FIGNL2: variants seen among roughly 807,000 people sequenced by gnomAD.
The protein encoded by FIGNL2 is fidgetin like 2.
For synonymous variants in FIGNL2, 565 were observed against 484.0 expected, an observed-to-expected ratio of 1.17 and a Z score of -2.20; for missense variants, 1,060 against 950.2, an observed-to-expected ratio of 1.12 and a Z score of -1.52.
At chr12:51,843,221 T>G (rs1204041365) in intron 1 of FIGNL2, among the ~76,000 whole-genome samples, 3 of 152,158 alleles carry the variant, frequency 2.0e-5, no homozygotes, top group Non-Finnish European at 4.4e-5. Context: ...CTGGACACAG[T>G]GCGTAGGTGC....
chr12:51,836,537 G>A (rs1295625666), intron 1 of FIGNL2, among the ~76,000 whole-genome samples: 2 of 152,068 alleles, frequency 1.3e-5, no homozygotes, highest in South Asian at 2.1e-4. Flanking sequence ...TCAGGCCTGG[G>A]CTAAAGTGAG....
At position 51,838,571 on chromosome 12, in the gene FIGNL2, A is replaced by C. The variant is rs541852177; in HGVS notation, c.-12+9969T>G. ...GCACTGGCCTCAGAGTCAGCCTCTG[A>C]GATGTGGGACAATGTCTTGATCTGT... On this transcript the variant is annotated intron_variant, in intron 1 of 1. Transcript: ENST00000618634. Among the ~76,000 whole-genome samples, 172 of 152,166 alleles carry C rather than the reference A, an allele frequency of 1.1e-3. 1 individual carries two copies. Among genetic ancestry groups the C allele is most frequent in the African/African-American group, 4.0e-3 (166 of 41,518 alleles).
At chr12:51,846,090 T>C (rs936507475) in intron 1 of FIGNL2, among the ~76,000 whole-genome samples, 1 of 152,180 alleles carries the variant, frequency 6.6e-6, no homozygotes, top group East Asian at 1.9e-4. Flanking sequence ...TAAAGGCCCT[T>C]ACAAAACCCC....
chr12:51,825,461 C>G lies in FIGNL2; in HGVS notation c.-11-3037G>C, dbSNP rs559859022. Among the ~76,000 whole-genome samples the G allele has an allele frequency of 3.9e-5, 6 of 152,232 alleles. No individual in the cohort carries two copies. The East Asian group carries it at 1.2e-3, about 29-fold the overall frequency. On this transcript the variant is annotated intron_variant, in intron 1 of 1. Transcript: ENST00000618634. The stretch of plus-strand genomic sequence containing the variant: ...GCCAACGAAGATCCTCTGGCCCTGG[C>G]TGTCACTGAGAACTGCTCCACCTTG...
intron 1 of FIGNL2, among the ~76,000 whole-genome samples, chr12:51,828,778 T>C (rs1447265600): frequency 6.6e-6 from 1 of 152,240 alleles, no homozygotes; most frequent in African/African-American, 2.4e-5. Context: ...TCTGTGATCA[T>C]GGCCAAGACA....
chr12:51,823,749 CAT>C (rs1939274628), intron 1 of FIGNL2, among the ~76,000 whole-genome samples: 1 of 152,226 alleles, frequency 6.6e-6, no homozygotes, highest in African/African-American at 2.4e-5. Context: ...CACGTATTCT[CAT>C]AGGTTCAGTA....
chr12:51,832,208 G>C (rs1939485571), intron 1 of FIGNL2, among the ~76,000 whole-genome samples: 1 of 151,908 alleles, frequency 6.6e-6, no homozygotes, highest in Admixed American at 6.6e-5. Flanking sequence ...GTAGAGACAG[G>C]GTTTCTCTAT....
intron 1 of FIGNL2, among the ~76,000 whole-genome samples, chr12:51,828,682 C>T (rs1939393187): frequency 6.6e-6 from 1 of 152,202 alleles, no homozygotes; most frequent in Admixed American, 6.5e-5. Flanking sequence ...ACCACAGGCT[C>T]TCCATGCACA....
At chr12:51,828,371 C>T (rs1021477579) in intron 1 of FIGNL2, 3 of 152,170 alleles carry the variant, frequency 2.0e-5, no homozygotes, top group Non-Finnish European at 2.9e-5. Flanking sequence ...TGCGGCAGCT[C>T]TTTCTCTGCA....
At chr12:51,834,014 T>TGGAC (rs1350701627) in intron 1 of FIGNL2, among the ~76,000 whole-genome samples, 6 of 131,710 alleles carry the variant, frequency 4.6e-5, no homozygotes, top group African/African-American at 1.8e-4. Context: ...GACAGACAAA[T>TGGAC]GGACGGATGG....
rs1939736812 is a variant in FIGNL2, at chr12:51,845,628, G to A, written c.-12+2912C>T. The A allele has an allele frequency of 7.1e-6, 7 of 985,228 alleles. No homozygotes were observed. In the South Asian group the frequency reaches 1.4e-4, roughly 20 times the overall value. 61.0% of individuals were successfully genotyped at this position (985,228 alleles called of 1,614,324 possible). ...AAATCGGGTAAAGGAGTCGATAACC[G>A]CCAAGTCCAGGAGAGGCAAAGTTCT... is the stretch of plus-strand genomic sequence containing the variant. On this transcript the variant is annotated intron_variant, in intron 1 of 1. Transcript: ENST00000618634.
At chr12:51,824,380 T>G (rs967765657) in intron 1 of FIGNL2, 19 of 152,240 alleles carry the variant, frequency 1.2e-4, no homozygotes, top group African/African-American at 4.6e-4. Flanking sequence ...CCCACCCCTG[T>G]TGATGCTCTC....
At chr12:51,842,648 C>T (rs551272052) in intron 1 of FIGNL2, among the ~76,000 whole-genome samples, 3 of 152,106 alleles carry the variant, frequency 2.0e-5, no homozygotes, top group East Asian at 1.9e-4. Flanking sequence ...TAATGCCCAC[C>T]GACACAGCCT....
At position 51,819,188 on chromosome 12, in the gene FIGNL2, A is replaced by AG. The variant is rs945396886; in HGVS notation, c.*1263dup. 1.3e-5 allele frequency: 2 copies of AG among 152,118 alleles called. No individual in the cohort carries two copies. Among genetic ancestry groups the AG allele is most frequent in the Admixed American group, 1.3e-4 (2 of 15,270 alleles). 9.4% of individuals were successfully genotyped at this position (152,118 alleles called of 1,614,324 possible). On this transcript the variant is annotated 3_prime_UTR_variant, in exon 2 of 2. Coordinates refer to ENST00000618634, the MANE Select transcript of FIGNL2 (RefSeq NM_001384995.1). Reference sequence around the variant, plus strand: ...TGACCTTTCTGGAGACTTTCTGCTTAGGTCACCTTCCCATTTGGGCCCTCC... The same window carrying AG: ...TGACCTTTCTGGAGACTTTCTGCTTAGGGTCACCTTCCCATTTGGGCCCTCC...
chr12:51,846,658 C>G (rs1018559084), intron 1 of FIGNL2, among the ~76,000 whole-genome samples: 1 of 151,038 alleles, frequency 6.6e-6, no homozygotes. Context: ...GCCAGAGAAT[C>G]GGGCAGGGCC....
intron 1 of FIGNL2, among the ~76,000 whole-genome samples, chr12:51,844,032 C>T (rs1939704992): frequency 6.6e-6 from 1 of 152,056 alleles, no homozygotes; most frequent in Admixed American, 6.6e-5. Context: ...GTCCCTGGGC[C>T]CCGAGTCACT....
rs886401422 is a variant in FIGNL2 at position 51,848,598 on chromosome 12, G to C, written c.-70C>G. On this transcript the variant is annotated 5_prime_UTR_variant, in exon 1 of 2. Coordinates refer to ENST00000618634, the MANE Select transcript of FIGNL2 (RefSeq NM_001384995.1). Reference sequence around the variant, plus strand: ...CGCGGCCTGGGGGCGCGTCCGGCCCGGGGACCGGGGCGGCGGCGCGGGCCG... The same window carrying C: ...CGCGGCCTGGGGGCGCGTCCGGCCCCGGGACCGGGGCGGCGGCGCGGGCCG... 11 of 949,996 alleles carry C rather than the reference G, an allele frequency of 1.2e-5. No individual in the cohort carries two copies. The East Asian group carries it at 5.9e-4, about 51-fold the overall frequency. The allele number at this position is 949,996 out of a possible 1,614,324, so 58.8% of individuals were successfully genotyped here.
Position 51,818,265 on chromosome 12 carries a change from G to A in FIGNL2, c.*2187C>T, listed in dbSNP as rs987986199. On this transcript the variant is annotated 3_prime_UTR_variant, in exon 2 of 2. Transcript: ENST00000618634. ...TTGTGCAAAGCTCCCCAAGCCTGGG[G>A]AACAGGAGGAGCCTAGTAGAGAAAG... The A allele has an allele frequency of 2.0e-5, 3 of 152,164 alleles. No homozygotes were observed. Among genetic ancestry groups the A allele is most frequent in the Non-Finnish European group, 2.9e-5 (2 of 68,042 alleles). 9.4% of individuals were successfully genotyped at this position (152,164 alleles called of 1,614,324 possible).
intron 1 of FIGNL2, among the ~76,000 whole-genome samples, chr12:51,829,156 C>T (rs1344240044): frequency 2.0e-5 from 3 of 152,286 alleles, no homozygotes; most frequent in Non-Finnish European, 2.9e-5. Flanking sequence ...GCTCCATTAT[C>T]TCAGCCTGGA....
Sources: gnomAD v4.1 joint callset for allele counts (sites outside exome capture counted in the v4.1 genomes callset) on GRCh38, gnomAD v4.1.1 for gene constraint, MANE v1.5 for transcripts, NCBI Gene and HGNC (gene_info 2026-07-23, HGNC 2026-07-21) for gene names.